ABCA13: variants seen among roughly 807,000 people sequenced by gnomAD.
ABCA13 encodes ATP binding cassette subfamily A member 13.
Under a neutral mutation model 478.7 loss-of-function variants are expected in ABCA13, and 476 were observed. The observed-to-expected ratio is 0.99, with a 90% CI of 0.92 to 1.07. The LOEUF is 1.07. Among genes scored for constraint, ABCA13 ranks in the 50% least tolerant of loss-of-function variants. The probability of loss-of-function intolerance (pLI) is 0.00; values close to 1 mark genes in which losing one functional copy is unlikely to be tolerated. For missense variants in ABCA13, 6,060 were observed against 5,910.6 expected (o/e 1.03, Z -0.83); for synonymous variants, 2,252 against 2,158.9 (o/e 1.04, Z -1.20).
At chr7:48,629,575 CAA>C (rs11392411) in intron 59 of ABCA13, among the ~76,000 whole-genome samples, 36 of 66,950 alleles carry the variant, frequency 5.4e-4, no homozygotes, top group East Asian at 2.1e-3. Context: ...TACATTTTGG[CAA>C]AAAAAAAAAA....
chr7:48,353,174 T>G (rs11983883), intron 31 of ABCA13, among the ~76,000 whole-genome samples: 26,040 of 151,476 alleles, frequency 0.17, 2,581 homozygotes, highest in East Asian at 0.31. Context: ...CCTTGGCAGG[T>G]TCAGACAATG....
Position 48,317,304 on chromosome 7 carries a change from A to G in ABCA13, c.9999+8A>G. 3 of 1,611,040 alleles carry G rather than the reference A, an allele frequency of 1.9e-6. No homozygotes were observed. The highest frequency in any genetic ancestry group is 2.5e-6 in the Non-Finnish European group (3 of 1,178,852). ...AACAAGGTCATTCAAAAGGTAAGTT[A>G]AAATAAATGAGAATCATATAGACCA... On this transcript the variant is annotated splice_region_variant and intron_variant, in intron 27 of 61. Transcript: ENST00000435803.
chr7:48,368,687 G>GTATATATATATATATATATA (rs201820250), intron 32 of ABCA13, among the ~76,000 whole-genome samples: 2 of 122,750 alleles, frequency 1.6e-5, no homozygotes, highest in African/African-American at 6.1e-5. Context: ...GTGTGTATGT[G>GTATATATATATATATATATA]TATATATATA....
chr7:48,556,406 A>C (rs1425889000), intron 55 of ABCA13, among the ~76,000 whole-genome samples: 1 of 151,980 alleles, frequency 6.6e-6, no homozygotes, highest in Non-Finnish European at 1.5e-5. Flanking sequence ...GGGGCATTGA[A>C]GTCCCCAGGT....
chr7:48,468,205 G>T (rs148961384), intron 44 of ABCA13, among the ~76,000 whole-genome samples: 1 of 152,244 alleles, frequency 6.6e-6, no homozygotes, highest in Non-Finnish European at 1.5e-5. Context: ...ACAGCAGAAC[G>T]TATTGGACAT....
Position 48,481,118 on chromosome 7 carries a change from T to C in ABCA13, c.13058T>C (p.Met4353Thr). The change falls in exon 46 of 62, where the codon ATG becomes ACG. Residue 4353 changes from methionine (M) to threonine (T), a missense_variant. Transcript: ENST00000435803. ...HTLLNLSGFNMEEYLLAPSEK... is the reference protein window; with the variant it reads ...HTLLNLSGFNTEEYLLAPSEK... ...CTGTTGAATCTCTCAGGCTTCAATA[T>C]GGAGGAGTACTTGCTGGCACCATCT... The C allele has an allele frequency of 4.4e-6, 7 of 1,597,170 alleles. No homozygotes were observed. The highest frequency in any genetic ancestry group is 1.1e-5 in the South Asian group (1 of 87,330).
At chr7:48,540,003 G>C (rs1435768077) in intron 55 of ABCA13, among the ~76,000 whole-genome samples, 1 of 152,172 alleles carries the variant, frequency 6.6e-6, no homozygotes, top group African/African-American at 2.4e-5. Context: ...ACAGAAAGTA[G>C]AGAAAATTTA....
At chr7:48,292,684 T>C (rs905621016) in intron 20 of ABCA13, among the ~76,000 whole-genome samples, 11 of 152,152 alleles carry the variant, frequency 7.2e-5, no homozygotes, top group African/African-American at 2.7e-4. Context: ...TGCAGTGTGC[T>C]TCCCTAATGA....
intron 20 of ABCA13, among the ~76,000 whole-genome samples, chr7:48,291,851 G>A (rs1001765391): frequency 1.1e-4 from 17 of 152,194 alleles, no homozygotes; most frequent in Admixed American, 4.6e-4. Flanking sequence ...TTCTGAGCCC[G>A]GCATTGACAC....
At chr7:48,644,852 A>T in intron 61 of ABCA13, 98 bp downstream of exon 61, 1 of 1,221,674 alleles carries the variant, frequency 8.2e-7, no homozygotes, top group Non-Finnish European at 1.1e-6. Context: ...TCAATTCACC[A>T]CTTTATTCAA....
intron 22 of ABCA13, among the ~76,000 whole-genome samples, chr7:48,297,948 T>TTG (rs1799628508): frequency 6.6e-6 from 1 of 151,110 alleles, no homozygotes; most frequent in African/African-American, 2.4e-5. Context: ...CTATTTTTTT[T>TTG]TTTTTTTTTG....
intron 20 of ABCA13, among the ~76,000 whole-genome samples, chr7:48,293,057 C>A (rs1798757825): frequency 6.6e-6 from 1 of 152,252 alleles, no homozygotes; most frequent in South Asian, 2.1e-4. Context: ...CAAGAAGTTG[C>A]ATGCTTTGTA....
chr7:48,645,833 C>T lies in ABCA13; in HGVS notation c.*321C>T. On this transcript the variant is annotated 3_prime_UTR_variant, in exon 62 of 62. Transcript: ENST00000435803. ...ACTGAGACATTCTGGAGCTGGAAAGCCTGTCACACTAGAGTGTGTGTGACA... is the reference window on the plus strand; with the variant it reads ...ACTGAGACATTCTGGAGCTGGAAAGTCTGTCACACTAGAGTGTGTGTGACA... The T allele has an allele frequency of 3.4e-6, 1 of 296,228 alleles. No individual in the cohort carries two copies. Among genetic ancestry groups the T allele is most frequent in the Non-Finnish European group, 6.3e-6 (1 of 157,660 alleles). 18.3% of individuals were successfully genotyped at this position (296,228 alleles called of 1,614,324 possible). A position where few individuals can be genotyped will look rare whatever the true frequency, so the allele number is the denominator to read the frequency against.
intron 27 of ABCA13, among the ~76,000 whole-genome samples, chr7:48,332,372 C>G (rs950501654): frequency 6.6e-5 from 10 of 152,196 alleles, no homozygotes; most frequent in African/African-American, 2.2e-4. Context: ...TACAGACATA[C>G]ACACGTGGCT....
In ABCA13 at chr7:48,274,476, C is replaced by T. The variant is rs1461314073; in HGVS notation, c.4810C>T (p.Leu1604Phe). The change falls in exon 17 of 62, where the codon CTT (leucine) becomes TTT (phenylalanine). Residue 1604 changes from leucine (L) to phenylalanine (F), a missense_variant. Physicochemically the swap from Leu to Phe is conservative, Grantham distance 22. Around this residue, in one of 3 missense-constraint regions of ABCA13, gnomAD observed 4,423 missense variants for 4,309.1 expected, o/e 1.03. Transcript: ENST00000435803. ...TTCCATTTATCACTTAGCTAGTTAC[C>T]TTGCCTTCAGCTTATCTCATGACCT... ...GNSIYHLASY[L>F]AFSLSHDLQN... 1.9e-6 allele frequency: 3 copies of T among 1,613,730 alleles called. No individual in the cohort carries two copies. The South Asian group carries it at 3.3e-5, about 18-fold the overall frequency.
intron 59 of ABCA13, among the ~76,000 whole-genome samples, chr7:48,616,016 A>C (rs928924840): frequency 1.3e-5 from 2 of 152,102 alleles, no homozygotes; most frequent in African/African-American, 4.8e-5. Context: ...GTATAACATT[A>C]AAAAAATTAA....
chr7:48,349,727 A>G (rs1437860434), intron 29 of ABCA13, among the ~76,000 whole-genome samples: 3 of 152,208 alleles, frequency 2.0e-5, no homozygotes, highest in Admixed American at 2.0e-4. Context: ...GTCCGGGGAC[A>G]AATGCCCACA....
At chr7:48,623,134 C>T (rs1793316366) in intron 59 of ABCA13, among the ~76,000 whole-genome samples, 1 of 152,200 alleles carries the variant, frequency 6.6e-6, no homozygotes, top group Admixed American at 6.5e-5. Flanking sequence ...ACTCTCGCTG[C>T]ATCTTCAATG....
intron 41 of ABCA13, among the ~76,000 whole-genome samples, chr7:48,420,938 C>T (rs78699388): frequency 0.018 from 2,701 of 152,196 alleles, 33 homozygotes; most frequent in Non-Finnish European, 0.026. Context: ...ACTTTCATGA[C>T]CTCAATATTT....
Sources: gnomAD v4.1 joint callset for allele counts (sites outside exome capture counted in the v4.1 genomes callset) on GRCh38, gnomAD v4.1.1 for gene constraint, gnomAD v4.1.1 regional missense constraint, MANE v1.5 for transcripts, NCBI Gene and HGNC (gene_info 2026-07-23, HGNC 2026-07-21) for gene names.